Variants in KCNQ5 observed in about 807,000 individuals in gnomAD.
The protein encoded by KCNQ5 is potassium voltage-gated channel subfamily KQT member 5.
KCNQ5 carries 30 observed loss-of-function variants against 98.2 expected under a neutral mutation model. The ratio of observed to expected loss-of-function variants is 0.31; its 90% CI spans 0.23 to 0.41. KCNQ5 has a LOEUF of 0.41. KCNQ5 is among the 10% of genes least tolerant of loss of function. The pLI is 1.00. For missense variants in KCNQ5, 835 were observed against 1,182.5 expected (o/e 0.71, Z 4.31); for synonymous variants, 458 against 449.4 (o/e 1.02, Z -0.24).
At chr6:73,053,782 C>T (rs773420802) in intron 3 of KCNQ5, among the ~76,000 whole-genome samples, 7 of 151,824 alleles carry the variant, frequency 4.6e-5, no homozygotes, top group Non-Finnish European at 1.0e-4. Flanking sequence ...AACATCACAC[C>T]TAGAGGAAAT....
intron 10 of KCNQ5, among the ~76,000 whole-genome samples, chr6:73,142,713 C>T (rs773015287): frequency 3.3e-5 from 5 of 152,004 alleles, no homozygotes; most frequent in Non-Finnish European, 7.4e-5. Flanking sequence ...GTCAGGAGTT[C>T]GAGACCAGCC....
At chr6:72,719,932 C>A (rs1472530397) in intron 1 of KCNQ5, among the ~76,000 whole-genome samples, 2 of 152,196 alleles carry the variant, frequency 1.3e-5, no homozygotes, top group Non-Finnish European at 2.9e-5. Flanking sequence ...AATAATTTGG[C>A]AAAATCTCAT....
chr6:73,094,710 G>T (rs1337397347), intron 5 of KCNQ5, among the ~76,000 whole-genome samples: 6 of 152,078 alleles, frequency 3.9e-5, no homozygotes, highest in African/African-American at 1.4e-4. Context: ...AAAATTCTTG[G>T]CTGGTAATTC....
chr6:73,189,414 G>A (rs1765505165), intron 11 of KCNQ5, among the ~76,000 whole-genome samples: 1 of 152,138 alleles, frequency 6.6e-6, no homozygotes, highest in Non-Finnish European at 1.5e-5. Context: ...GTAGGGTTTA[G>A]GCTTTTTAAC....
intron 1 of KCNQ5, among the ~76,000 whole-genome samples, chr6:72,936,001 T>G (rs538331583): frequency 1.3e-5 from 2 of 152,334 alleles, no homozygotes. Flanking sequence ...TAATTTCCCT[T>G]AAATGGTCTC....
intron 10 of KCNQ5, among the ~76,000 whole-genome samples, chr6:73,165,941 A>G (rs1010297906): frequency 2.8e-4 from 42 of 151,300 alleles, no homozygotes; most frequent in African/African-American, 9.5e-4. Context: ...TCTCAAAAAA[A>G]AGAAAAAAAA....
intron 1 of KCNQ5, among the ~76,000 whole-genome samples, chr6:72,983,326 G>A (rs1768568325): frequency 2.6e-5 from 4 of 152,238 alleles, no homozygotes; most frequent in South Asian, 4.1e-4. Flanking sequence ...TGTAGATTTT[G>A]TCTTTTCACA....
intron 2 of KCNQ5, among the ~76,000 whole-genome samples, chr6:73,024,381 T>TGATAGATAGATAGATAGATAGATAGATA (rs1554198956): frequency 4.1e-5 from 5 of 120,548 alleles, no homozygotes; most frequent in Admixed American, 8.7e-5. Context: ...GATAGATAGA[T>TGATAGATAGATAGATAGATAGATAGATA]GATAGATAGA....
At chr6:72,885,775 T>C (rs969748228) in intron 1 of KCNQ5, among the ~76,000 whole-genome samples, 2 of 152,166 alleles carry the variant, frequency 1.3e-5, no homozygotes, top group African/African-American at 4.8e-5. Context: ...GCCTTCTAGC[T>C]GGTAAGAGGG....
intron 1 of KCNQ5, among the ~76,000 whole-genome samples, chr6:72,966,607 A>C (rs1009725469): frequency 6.6e-6 from 1 of 152,116 alleles, no homozygotes; most frequent in African/African-American, 2.4e-5. Context: ...AAAAAAAAGA[A>C]AAGCATATTT....
At chr6:72,841,849 T>C (rs1410336687) in intron 1 of KCNQ5, among the ~76,000 whole-genome samples, 1 of 152,172 alleles carries the variant, frequency 6.6e-6, no homozygotes, top group Non-Finnish European at 1.5e-5. Context: ...TAAGAAACAT[T>C]TGAGGAATGT....
At position 73,091,653 on chromosome 6, in the gene KCNQ5, G is replaced by C. The variant is rs369491703; in HGVS notation, c.919-13604G>C. On this transcript the variant is annotated intron_variant, in intron 5 of 13. Coordinates refer to ENST00000370398, the MANE Select transcript of KCNQ5 (RefSeq NM_019842.4). ...CATATTTTTATACCAATACCATGCT[G>C]TCTTGGTGACTATGGCCTTGTAGTT... Among the ~76,000 whole-genome samples the C allele has an allele frequency of 3.9e-5, 6 of 152,178 alleles. No individual in the cohort carries two copies. The South Asian group carries it at 6.2e-4, about 16-fold the overall frequency.
chr6:73,086,242 A>T (rs200576990), intron 5 of KCNQ5, among the ~76,000 whole-genome samples: 2 of 151,902 alleles, frequency 1.3e-5, no homozygotes, highest in Non-Finnish European at 2.9e-5. Flanking sequence ...CTCTTTGCCT[A>T]TTCCAAGCCT....
At chr6:73,024,877 C>T (rs1482398287) in intron 2 of KCNQ5, among the ~76,000 whole-genome samples, 2 of 152,148 alleles carry the variant, frequency 1.3e-5, no homozygotes, top group African/African-American at 4.8e-5. Context: ...ATCCCACTGC[C>T]CACCTTCCCA....
chr6:72,843,221 A>G (rs997635469), intron 1 of KCNQ5, among the ~76,000 whole-genome samples: 1 of 152,024 alleles, frequency 6.6e-6, no homozygotes. Context: ...TCTTCCCAAA[A>G]CTGTTCATTA....
chr6:73,043,698 G>A (rs908460223), intron 3 of KCNQ5, among the ~76,000 whole-genome samples: 1 of 152,176 alleles, frequency 6.6e-6, no homozygotes, highest in African/African-American at 2.4e-5. Context: ...TGGATGACTG[G>A]AAAAATGTTT....
chr6:72,886,289 A>G (rs1394614895), intron 1 of KCNQ5, among the ~76,000 whole-genome samples: 1 of 152,206 alleles, frequency 6.6e-6, no homozygotes, highest in Non-Finnish European at 1.5e-5. Flanking sequence ...AAGAATGAAT[A>G]TAACTCATGG....
chr6:72,819,394 A>G (rs1268646818), intron 1 of KCNQ5, among the ~76,000 whole-genome samples: 1 of 152,194 alleles, frequency 6.6e-6, no homozygotes, highest in East Asian at 1.9e-4. Context: ...TAAAAAATCA[A>G]CATATCGATG....
intron 1 of KCNQ5, among the ~76,000 whole-genome samples, chr6:72,680,390 G>A (rs1242627706): frequency 6.6e-6 from 1 of 152,190 alleles, no homozygotes; most frequent in African/African-American, 2.4e-5. Context: ...ATAATATTCA[G>A]TTGTGTGGAT....
Sources: gnomAD v4.1 joint callset for allele counts (sites outside exome capture counted in the v4.1 genomes callset) on GRCh38, gnomAD v4.1.1 for gene constraint, MANE v1.5 for transcripts, NCBI Gene and HGNC (gene_info 2026-07-23, HGNC 2026-07-21) for gene names.